CAMK2D: variants seen among roughly 807,000 people sequenced by gnomAD.
CAMK2D encodes the protein calcium/calmodulin dependent protein kinase II delta.
In CAMK2D, 37 loss-of-function variants were observed where a neutral mutation model predicts 84.0. That is an observed-to-expected ratio of 0.44 (90% confidence interval 0.34 to 0.58). The LOEUF (loss-of-function observed/expected upper bound fraction) is 0.58. Ranked by LOEUF, CAMK2D falls within the 20% of genes least tolerant of loss-of-function variation. The pLI, the probability that CAMK2D is intolerant of heterozygous loss-of-function variation, is 0.02. For synonymous variants in CAMK2D, 202 were observed against 212.5 expected, an observed-to-expected ratio of 0.95 and a Z score of 0.43; for missense variants, 448 against 652.5, an observed-to-expected ratio of 0.69 and a Z score of 3.41.
At chr4:113,604,620 G>A (rs990992889) in intron 4 of CAMK2D, among the ~76,000 whole-genome samples, 3 of 152,186 alleles carry the variant, frequency 2.0e-5, no homozygotes, top group Admixed American at 6.5e-5. Flanking sequence ...AATTACTATG[G>A]TTTGTATGTA....
At chr4:113,697,841 G>A (rs1203472980) in intron 2 of CAMK2D, among the ~76,000 whole-genome samples, 2 of 152,076 alleles carry the variant, frequency 1.3e-5, no homozygotes, top group Admixed American at 6.6e-5. Context: ...AAATGCAGAA[G>A]TCATGGTGTT....
intron 13 of CAMK2D, 59 bp downstream of exon 13, chr4:113,509,575 ACATT>A: frequency 9.7e-7 from 1 of 1,026,278 alleles, no homozygotes; most frequent in East Asian, 2.4e-5. Flanking sequence ...ATTATATATA[ACATT>A]TAAAGATTAT....
intron 4 of CAMK2D, among the ~76,000 whole-genome samples, chr4:113,580,488 A>C (rs2098802850): frequency 1.3e-5 from 2 of 152,334 alleles, no homozygotes; most frequent in South Asian, 4.1e-4. Flanking sequence ...CTGTCTCTCT[A>C]GTTAGAAAAG....
intron 3 of CAMK2D, among the ~76,000 whole-genome samples, chr4:113,653,005 G>T (rs2099181802): frequency 6.6e-6 from 1 of 152,022 alleles, no homozygotes; most frequent in African/African-American, 2.4e-5. Flanking sequence ...AATGTACTCA[G>T]ATTCAAATTC....
At chr4:113,602,584 T>A (rs2098957897) in intron 4 of CAMK2D, among the ~76,000 whole-genome samples, 1 of 152,216 alleles carries the variant, frequency 6.6e-6, no homozygotes, top group South Asian at 2.1e-4. Flanking sequence ...CCAGCCATTA[T>A]CTGCCATTAA....
intron 1 of CAMK2D, 85 bp downstream of exon 1, chr4:113,760,919 C>T: frequency 1.9e-6 from 3 of 1,569,960 alleles, no homozygotes; most frequent in Non-Finnish European, 2.6e-6. Context: ...TCCCTCGCCC[C>T]AAGACGGAGG....
At chr4:113,646,198 A>G (rs1044533908) in intron 3 of CAMK2D, among the ~76,000 whole-genome samples, 1 of 152,214 alleles carries the variant, frequency 6.6e-6, no homozygotes, top group Admixed American at 6.5e-5. Flanking sequence ...TTCTCTTAAT[A>G]GAAGTGTTTG....
chr4:113,725,201 T>C lies in CAMK2D; in HGVS notation c.160+34119A>G, dbSNP rs932027866. On this transcript the variant is annotated intron_variant, in intron 2 of 20. Coordinates refer to ENST00000511664, the MANE Select transcript of CAMK2D (RefSeq NM_001321571.2). Reference sequence around the variant, plus strand: ...GTGGGAGGAAGGGTCTCAGATTGAGTAGCATCAAAATCATGTGTATATATA... The same window carrying C: ...GTGGGAGGAAGGGTCTCAGATTGAGCAGCATCAAAATCATGTGTATATATA... Among the ~76,000 whole-genome samples, 13 of 152,090 alleles carry C rather than the reference T, an allele frequency of 8.5e-5. No homozygotes were observed. In the South Asian group the frequency reaches 2.3e-3, roughly 27 times the overall value.
intron 2 of CAMK2D, among the ~76,000 whole-genome samples, chr4:113,729,506 G>A (rs576060677): frequency 3.8e-4 from 57 of 150,148 alleles, no homozygotes; most frequent in Non-Finnish European, 7.4e-4. Flanking sequence ...TTTGCCTCAC[G>A]TGCTCTTTTC....
At chr4:113,512,131 T>A (rs750218633) in intron 12 of CAMK2D, among the ~76,000 whole-genome samples, 7 of 152,192 alleles carry the variant, frequency 4.6e-5, no homozygotes, top group Non-Finnish European at 1.0e-4. Context: ...TGACAAGTGT[T>A]CCAAGTCTAA....
At chr4:113,507,808 G>A (rs1347792481) in intron 13 of CAMK2D, among the ~76,000 whole-genome samples, 1 of 151,922 alleles carries the variant, frequency 6.6e-6, no homozygotes, top group East Asian at 1.9e-4. Context: ...AACTAGGATT[G>A]GTACATTGTA....
chr4:113,724,163 T>C (rs2099539266), intron 2 of CAMK2D, among the ~76,000 whole-genome samples: 1 of 152,084 alleles, frequency 6.6e-6, no homozygotes, highest in Non-Finnish European at 1.5e-5. Flanking sequence ...GAAATAGAAA[T>C]TTTTCTACTT....
At chr4:113,602,489 C>T (rs957381631) in intron 4 of CAMK2D, among the ~76,000 whole-genome samples, 2 of 152,198 alleles carry the variant, frequency 1.3e-5, no homozygotes. Flanking sequence ...TGCCCTCTCT[C>T]CAGGGAAGGC....
intron 2 of CAMK2D, among the ~76,000 whole-genome samples, chr4:113,730,845 T>C (rs2099566427): frequency 6.6e-6 from 1 of 152,228 alleles, no homozygotes; most frequent in Non-Finnish European, 1.5e-5. Context: ...TTGTTTATTT[T>C]TATATCACCT....
chr4:113,506,117 C>T (rs1240426077), intron 13 of CAMK2D, among the ~76,000 whole-genome samples: 7 of 151,920 alleles, frequency 4.6e-5, no homozygotes, highest in Admixed American at 3.9e-4. Flanking sequence ...GAAACATATA[C>T]TATATAAAAT....
intron 20 of CAMK2D, among the ~76,000 whole-genome samples, chr4:113,455,426 C>T (rs1172318219): frequency 2.0e-5 from 3 of 152,168 alleles, no homozygotes; most frequent in African/African-American, 7.2e-5. Context: ...GTTATCTGAA[C>T]TGACCCAGAC....
At chr4:113,575,654 T>G (rs2098777589) in intron 4 of CAMK2D, among the ~76,000 whole-genome samples, 1 of 152,206 alleles carries the variant, frequency 6.6e-6, no homozygotes, top group African/African-American at 2.4e-5. Flanking sequence ...CAGTCAGCTC[T>G]TTATTCTTCT....
chr4:113,757,687 G>T (rs2099631556), intron 2 of CAMK2D, among the ~76,000 whole-genome samples: 1 of 152,158 alleles, frequency 6.6e-6, no homozygotes, highest in African/African-American at 2.4e-5. Context: ...TTTGGGACAT[G>T]TAGGTAGTTC....
chr4:113,708,428 C>T (rs897721635), intron 2 of CAMK2D, among the ~76,000 whole-genome samples: 10 of 152,234 alleles, frequency 6.6e-5, no homozygotes, highest in Admixed American at 2.0e-4. Flanking sequence ...ATAAAATGAA[C>T]GAGGAACTGG....
Sources: allele counts gnomAD v4.1 joint callset (sites outside exome capture counted in the v4.1 genomes callset), GRCh38; gene constraint gnomAD v4.1.1; transcripts MANE v1.5; gene names NCBI Gene and HGNC (gene_info 2026-07-23, HGNC 2026-07-21).